ZCCHC4: variants seen among roughly 807,000 people sequenced by gnomAD.
ZCCHC4 encodes zinc finger CCHC-type containing 4, also known as rRNA N(6)-adenosine-methyltransferase ZCCHC4.
Under a neutral mutation model 67.7 loss-of-function variants are expected in ZCCHC4, and 54 were observed. The ratio of observed to expected loss-of-function variants is 0.80; its 90% confidence interval spans 0.64 to 1.00. The LOEUF (loss-of-function observed/expected upper bound fraction) is 1.00, where lower values mean the gene tolerates loss of function less well. Among genes scored for constraint, ZCCHC4 ranks in the 50% least tolerant of loss-of-function variants. ZCCHC4 has a pLI of 0.00. For missense variants in ZCCHC4, 609 were observed against 617.0 expected, an observed-to-expected ratio of 0.99 and a Z score of 0.14; for synonymous variants, 198 against 213.5, an observed-to-expected ratio of 0.93 and a Z score of 0.63.
At chr4:25,331,060 T>G (rs1056282381) in intron 3 of ZCCHC4, among the ~76,000 whole-genome samples, 1 of 152,148 alleles carries the variant, frequency 6.6e-6, no homozygotes, top group Non-Finnish European at 1.5e-5. Flanking sequence ...CAGCTCTGTC[T>G]CATCAATTCC....
intron 6 of ZCCHC4, among the ~76,000 whole-genome samples, chr4:25,347,794 G>A (rs1216519628): frequency 1.3e-5 from 2 of 152,198 alleles, no homozygotes; most frequent in Non-Finnish European, 2.9e-5. Context: ...TTAAAAAAAT[G>A]TCATCTGCCT....
intron 8 of ZCCHC4, among the ~76,000 whole-genome samples, chr4:25,360,229 C>T (rs918801645): frequency 1.3e-5 from 2 of 152,318 alleles, no homozygotes; most frequent in South Asian, 2.1e-4. Flanking sequence ...GATTTAGAAG[C>T]GGCAACACTC....
chr4:25,320,249 A>G, intron 3 of ZCCHC4, among the ~76,000 whole-genome samples: 1 of 152,080 alleles, frequency 6.6e-6, no homozygotes, highest in African/African-American at 2.4e-5. Flanking sequence ...GTTATATAGT[A>G]TGTTTGCACC....
chr4:25,315,962 G>A (rs529691910), intron 3 of ZCCHC4, among the ~76,000 whole-genome samples: 11 of 152,120 alleles, frequency 7.2e-5, no homozygotes, highest in Middle Eastern at 3.4e-3. Context: ...CAAGGGATCC[G>A]CCCACCTCAG....
chr4:25,333,546 A>G, intron 4 of ZCCHC4, 88 bp downstream of exon 4: 1 of 1,385,084 alleles, frequency 7.2e-7, no homozygotes, highest in Non-Finnish European at 1.0e-6. Context: ...TACTCTGTGC[A>G]AGGTATAGCA....
At chr4:25,327,417 CTT>C (rs1560401336) in intron 3 of ZCCHC4, among the ~76,000 whole-genome samples, 2 of 98,980 alleles carry the variant, frequency 2.0e-5, no homozygotes, top group African/African-American at 6.7e-5. Context: ...TCCTTCCCTC[CTT>C]CCCTCCTTCC....
chr4:25,347,645 C>A (rs1041847416), intron 6 of ZCCHC4, among the ~76,000 whole-genome samples: 2 of 152,158 alleles, frequency 1.3e-5, no homozygotes, highest in African/African-American at 4.8e-5. Context: ...ATTTAAGTGT[C>A]GGCTCAGTGC....
rs76141517 is a variant in ZCCHC4 at position 25,362,297 on chromosome 4, C to A, written c.1205C>A (p.Ser402Tyr). The A allele has an allele frequency of 5.6e-3, 8,983 of 1,595,938 alleles. 29 individuals carry two copies. Among genetic ancestry groups the A allele is most frequent in the Non-Finnish European group, 7.1e-3 (8,292 of 1,168,180 alleles). The change falls in exon 10 of 13, where the codon TCC becomes TAC. Residue 402 changes from serine (S) to tyrosine (Y), a missense_variant. By Grantham distance (144) the Ser-to-Tyr change is moderately radical (BLOSUM62 -2). Coordinates refer to ENST00000302874, the MANE Select transcript of ZCCHC4 (RefSeq NM_024936.3). ...TGTGAGCTCTGTAATTCTTGCACATCCAAGGTATGGTGTTCTTATAGAATG... is the reference window on the plus strand; with the variant it reads ...TGTGAGCTCTGTAATTCTTGCACATACAAGGTATGGTGTTCTTATAGAATG... ...QHCELCNSCTSKDGRKWNHCF... is the reference protein window; with the variant it reads ...QHCELCNSCTYKDGRKWNHCF...
At chr4:25,366,369 G>C in intron 12 of ZCCHC4, 3 of 653,364 alleles carry the variant, frequency 4.6e-6, no homozygotes, top group Non-Finnish European at 5.6e-6. Flanking sequence ...AGGCTGGAGT[G>C]CAGTGGCCTG....
At chr4:25,329,024 A>G (rs1327842810) in intron 3 of ZCCHC4, among the ~76,000 whole-genome samples, 2 of 151,936 alleles carry the variant, frequency 1.3e-5, no homozygotes, top group Non-Finnish European at 2.9e-5. Context: ...CTGTCTCTAC[A>G]AAAAATACAA....
intron 8 of ZCCHC4, among the ~76,000 whole-genome samples, chr4:25,356,198 A>G (rs934331624): frequency 7.9e-5 from 12 of 152,196 alleles, no homozygotes; most frequent in Admixed American, 5.2e-4. Context: ...GAAATTTTCT[A>G]TTTGAAAATG....
intron 3 of ZCCHC4, among the ~76,000 whole-genome samples, chr4:25,317,704 C>CAAAAAAAAAA (rs778867924): frequency 2.5e-4 from 18 of 72,326 alleles, no homozygotes; most frequent in African/African-American, 4.4e-4. Flanking sequence ...GACGCTGTCA[C>CAAAAAAAAAA]AAAAAAAAAA....
chr4:25,350,945 C>CTTATTATATATATATATATATATA lies in ZCCHC4; in HGVS notation c.911-644_911-643insTTATTATATATATATATATATATA, dbSNP rs1474488974. Among the ~76,000 whole-genome samples, 104 of 152,262 alleles carry CTTATTATATATATATATATATATA rather than the reference C, an allele frequency of 6.8e-4. 1 individual carries two copies. Among genetic ancestry groups the CTTATTATATATATATATATATATA allele is most frequent in the South Asian group, 2.3e-3 (11 of 4,826 alleles). On this transcript the variant is annotated intron_variant, in intron 7 of 12. Coordinates refer to ENST00000302874, the MANE Select transcript of ZCCHC4 (RefSeq NM_024936.3). The stretch of plus-strand genomic sequence containing the variant: ...TAGGGATTATTGTAAGGAGACAGTA[C>CTTATTATATATATATATATATATA]ATAGAATGTACTTATTATAGCTTAG...
chr4:25,318,078 C>T (rs1029697332), intron 3 of ZCCHC4, among the ~76,000 whole-genome samples: 4 of 152,210 alleles, frequency 2.6e-5, no homozygotes, highest in South Asian at 2.1e-4. Context: ...CCACACGGTC[C>T]GTGGTTTCTT....
In ZCCHC4 at chr4:25,349,604, A is replaced by G; in HGVS notation, c.872A>G (p.Lys291Arg). The change falls in exon 7 of 13, where the codon AAG (lysine) becomes AGG (arginine). Residue 291 changes from lysine to arginine, a missense_variant. Transcript: ENST00000302874. ...GTTGAACCTCTGGCTATTACATTCA[A>G]GAAGTTAATTGCTATGTGGAAAGAA... ...GLVEPLAITF[K>R]KLIAMWKEGQ... 6.2e-7 allele frequency: 1 copy of G among 1,614,034 alleles called. No homozygotes were observed. The highest frequency in any genetic ancestry group is 8.5e-7 in the Non-Finnish European group (1 of 1,179,914).
In ZCCHC4 at chr4:25,369,354, C is replaced by A; in HGVS notation, c.*190C>A. 1.6e-6 allele frequency: 1 copy of A among 621,910 alleles called. No individual in the cohort carries two copies. The highest frequency in any genetic ancestry group is 3.1e-5 in the East Asian group (1 of 31,958). 38.5% of individuals were successfully genotyped at this position (621,910 alleles called of 1,614,324 possible). ...TCTCTGGAGACATGGGGAGTTGTTC[C>A]ATCTTCAGCCAGTTTACTAGTTCTT... On this transcript the variant is annotated 3_prime_UTR_variant, in exon 13 of 13. Transcript: ENST00000302874.
intron 5 of ZCCHC4, among the ~76,000 whole-genome samples, chr4:25,342,780 A>G (rs554333744): frequency 6.6e-6 from 1 of 152,278 alleles, no homozygotes; most frequent in African/African-American, 2.4e-5. Flanking sequence ...ATGTTGAGTG[A>G]TTTTTCATAA....
chr4:25,333,069 G>A (rs1190709646), intron 3 of ZCCHC4, 114 bp from the exon 4 acceptor site: 13 of 1,018,756 alleles, frequency 1.3e-5, no homozygotes, highest in Admixed American at 5.6e-5. Flanking sequence ...TCTTCTTTAC[G>A]CAGTACTCTT....
chr4:25,333,227 G>A lies in ZCCHC4; in HGVS notation c.374G>A (p.Cys125Tyr). ...IELPLTQRKF[C>Y]QTCQQLLLPD... ...TTGCCCTTGACTCAGAGAAAGTTTT[G>A]TCAAACATGTCAGCAGTTGTTGTTA... Residue 125 changes from cysteine to tyrosine, a missense_variant, in exon 4 of 13, where the codon TGT (cysteine) becomes TAT (tyrosine). Physicochemically the swap from Cys to Tyr is radical, Grantham distance 194. Transcript: ENST00000302874. The A allele has an allele frequency of 6.2e-7, 1 of 1,614,102 alleles. No individual in the cohort carries two copies. The highest frequency in any genetic ancestry group is 8.5e-7 in the Non-Finnish European group (1 of 1,179,996).
Sources: gnomAD v4.1 joint callset for allele counts (sites outside exome capture counted in the v4.1 genomes callset) on GRCh38, gnomAD v4.1.1 for gene constraint, MANE v1.5 for transcripts, NCBI Gene and HGNC (gene_info 2026-07-23, HGNC 2026-07-21) for gene names.